KYNU: variants seen among roughly 807,000 people sequenced by gnomAD.
KYNU encodes L-kynurenine hydrolase.
In KYNU, 54 loss-of-function variants were observed where a neutral mutation model predicts 59.2. The observed-to-expected ratio is 0.91, with a 90% CI of 0.73 to 1.14. KYNU has a LOEUF of 1.14. Ranked by LOEUF, KYNU falls within the 50% of genes most tolerant of loss-of-function variation. KYNU has a pLI of 0.00. For synonymous variants in KYNU, 177 were observed against 192.0 expected, an observed-to-expected ratio of 0.92 and a Z score of 0.65; for missense variants, 567 against 554.4, an observed-to-expected ratio of 1.02 and a Z score of -0.23.
chr2:143,000,711 T>C (rs1274677167), intron 10 of KYNU, among the ~76,000 whole-genome samples: 2 of 152,212 alleles, frequency 1.3e-5, no homozygotes, highest in African/African-American at 4.8e-5. Context: ...ATAGCAGGTA[T>C]TTCAGCAGAT....
intron 10 of KYNU, among the ~76,000 whole-genome samples, chr2:142,991,315 A>G (rs1045893515): frequency 2.0e-5 from 3 of 151,954 alleles, no homozygotes; most frequent in Non-Finnish European, 4.4e-5. Flanking sequence ...ATCTAGTACC[A>G]GAATAAGGCC....
chr2:143,011,248 T>C (rs28769327), intron 10 of KYNU, among the ~76,000 whole-genome samples: 11,305 of 122,884 alleles, frequency 0.092, 1,358 homozygotes, highest in African/African-American at 0.28. Context: ...AAAAAGTGGG[T>C]GAAGGACATG....
At chr2:142,946,944 C>T (rs1683804655) in intron 4 of KYNU, among the ~76,000 whole-genome samples, 1 of 152,214 alleles carries the variant, frequency 6.6e-6, no homozygotes, top group Non-Finnish European at 1.5e-5. Flanking sequence ...TCCATCAGCA[C>T]TTAACTGTTT....
At chr2:142,982,028 C>A (rs1409673450) in intron 8 of KYNU, among the ~76,000 whole-genome samples, 1 of 152,090 alleles carries the variant, frequency 6.6e-6, no homozygotes, top group African/African-American at 2.4e-5. Flanking sequence ...TGTCTCTTCT[C>A]TAGGGAAAAC....
intron 2 of KYNU, among the ~76,000 whole-genome samples, chr2:142,904,774 G>A (rs1682226591): frequency 6.6e-6 from 1 of 152,120 alleles, no homozygotes; most frequent in Admixed American, 6.5e-5. Context: ...GTTCTCTATG[G>A]TCCTTTCCAC....
intron 2 of KYNU, among the ~76,000 whole-genome samples, chr2:142,891,179 T>C (rs1681698016): frequency 6.6e-6 from 1 of 152,204 alleles, no homozygotes; most frequent in African/African-American, 2.4e-5. Context: ...GACCATAAAA[T>C]TCATCCATTT....
intron 10 of KYNU, among the ~76,000 whole-genome samples, chr2:143,006,408 C>T (rs148015120): frequency 0.12 from 18,160 of 150,808 alleles, 1,242 homozygotes; most frequent in East Asian, 0.24. Context: ...GGGTCCTACG[C>T]CCATGGAATC....
intron 10 of KYNU, chr2:142,988,819 C>G (rs1685304137): frequency 6.5e-7 from 1 of 1,530,382 alleles, no homozygotes; most frequent in South Asian, 1.1e-5. Flanking sequence ...TACCAAGTAT[C>G]TTATATTGTA....
chr2:143,041,129 C>T (rs1687030492), intron 13 of KYNU, among the ~76,000 whole-genome samples: 1 of 152,008 alleles, frequency 6.6e-6, no homozygotes, highest in Non-Finnish European at 1.5e-5. Flanking sequence ...ATACACTTCT[C>T]AGGAGTGGTA....
intron 10 of KYNU, among the ~76,000 whole-genome samples, chr2:143,029,079 C>T (rs1023542589): frequency 7.2e-5 from 11 of 151,766 alleles, no homozygotes; most frequent in African/African-American, 9.7e-5. Flanking sequence ...AAATAAAAAC[C>T]GGTCATTAAC....
chr2:142,979,440 A>T (rs1684987655), intron 8 of KYNU, among the ~76,000 whole-genome samples: 1 of 152,186 alleles, frequency 6.6e-6, no homozygotes, highest in Admixed American at 6.5e-5. Flanking sequence ...TTGTTACAAG[A>T]GAGATATACA....
At chr2:142,890,907 T>A (rs780602212) in intron 2 of KYNU, among the ~76,000 whole-genome samples, 14 of 152,230 alleles carry the variant, frequency 9.2e-5, no homozygotes, top group Non-Finnish European at 1.9e-4. Context: ...GCTTTCCTTT[T>A]TGTCTTAAGT....
intron 13 of KYNU, 66 bp downstream of exon 13, chr2:143,040,724 C>A: frequency 9.9e-7 from 1 of 1,007,496 alleles, no homozygotes; most frequent in Non-Finnish European, 1.5e-6. Context: ...AAAATTTGGA[C>A]TCTTTGGTTT....
intron 12 of KYNU, among the ~76,000 whole-genome samples, chr2:143,036,635 G>A (rs996582847): frequency 6.6e-6 from 1 of 152,176 alleles, no homozygotes; most frequent in Non-Finnish European, 1.5e-5. Flanking sequence ...AAGAATGTTA[G>A]CACAGGTCTT....
chr2:142,986,009 C>G lies in KYNU; in HGVS notation c.890C>G (p.Thr297Arg). ...TTCATTCATGAAAAGCATGCCCATA[C>G]GATTAAACCTGCGTGAGTACCATCT... ...GAFIHEKHAH[T>R]IKPALVGWFG... The change falls in exon 10 of 14, where the codon ACG (threonine) becomes AGG (arginine). Residue 297 changes from threonine to arginine, a missense_variant. Physicochemically the swap from Thr to Arg is moderately conservative, Grantham distance 71 (BLOSUM62 -1). Transcript: ENST00000264170. 1.9e-6 allele frequency: 3 copies of G among 1,608,650 alleles called. No individual in the cohort carries two copies. Among genetic ancestry groups the G allele is most frequent in the Non-Finnish European group, 2.6e-6 (3 of 1,175,914 alleles).
chr2:142,909,101 A>G lies in KYNU; in HGVS notation c.170-9508A>G, dbSNP rs148893212. Among the ~76,000 whole-genome samples, 439 of 152,216 alleles carry G rather than the reference A, an allele frequency of 2.9e-3. 3 individuals are homozygous for G. Among genetic ancestry groups the G allele is most frequent in the African/African-American group, 1.0e-2 (414 of 41,554 alleles). ...ACTTGTATCTAACAATGTATTTACA[A>G]TTGTGATCATATATGGCTAGTGTTG... On this transcript the variant is annotated intron_variant, in intron 2 of 13. Coordinates refer to ENST00000264170, the MANE Select transcript of KYNU (RefSeq NM_003937.3).
At chr2:142,878,451 C>T (rs1453333925) in intron 1 of KYNU, among the ~76,000 whole-genome samples, 1 of 152,076 alleles carries the variant, frequency 6.6e-6, no homozygotes, top group African/African-American at 2.4e-5. Context: ...GAATCTTGCT[C>T]AATATGCATA....
chr2:142,927,965 AT>A (rs975843935), intron 4 of KYNU, among the ~76,000 whole-genome samples: 5 of 151,954 alleles, frequency 3.3e-5, no homozygotes, highest in South Asian at 2.1e-4. Context: ...AATATATGTT[AT>A]TTTTTTCTGT....
intron 8 of KYNU, 134 bp from the exon 9 acceptor site, chr2:142,984,950 T>C: frequency 4.3e-6 from 3 of 699,572 alleles, no homozygotes; most frequent in East Asian, 2.7e-5. Context: ...GATCATACTT[T>C]GTGAACCATT....
Sources: gnomAD v4.1 joint callset for allele counts (sites outside exome capture counted in the v4.1 genomes callset) on GRCh38, gnomAD v4.1.1 for gene constraint, MANE v1.5 for transcripts, NCBI Gene and HGNC (gene_info 2026-07-23, HGNC 2026-07-21) for gene names.